H2BC18: variants seen among roughly 807,000 people sequenced by gnomAD.
The protein encoded by H2BC18 is histone H2B type 2-F.
A neutral mutation model predicts 6.3 loss-of-function variants in H2BC18; 8 were observed. The ratio of observed to expected loss-of-function variants is 1.28; its 90% confidence interval spans 0.75 to 2.31. H2BC18 has a LOEUF of 2.31. H2BC18 is among the 30% of genes most tolerant of loss of function. The probability of loss-of-function intolerance (pLI) is 0.00; values close to 1 mark genes in which losing one functional copy is unlikely to be tolerated. For synonymous variants in H2BC18, 104 were observed against 78.1 expected (o/e 1.33, Z -1.75); for missense variants, 106 against 174.5 (o/e 0.61, Z 2.21).
intron 1 of H2BC18, among the ~76,000 whole-genome samples, chr1:149,801,590 C>G (rs1190239593): frequency 7.0e-6 from 1 of 141,986 alleles, no homozygotes; most frequent in South Asian, 2.3e-4. Flanking sequence ...AAGAGCAGAG[C>G]CAAGTTACAC....
chr1:149,808,548 TA>T (rs2091944160), downstream of H2BC18, among the ~76,000 whole-genome samples: 3 of 152,192 alleles, frequency 2.0e-5, no homozygotes, highest in Admixed American at 2.0e-4. Context: ...TGGATTAACA[TA>T]AAAAATTATT....
downstream of H2BC18, among the ~76,000 whole-genome samples, chr1:149,808,785 G>C (rs2091946841): frequency 6.6e-6 from 1 of 151,954 alleles, no homozygotes; most frequent in Non-Finnish European, 1.5e-5. Context: ...ATGTAGAAAA[G>C]AAAAAAATTT....
chr1:149,788,252 G>C, intron 1 of H2BC18: 2 of 1,607,644 alleles, frequency 1.2e-6, no homozygotes, highest in South Asian at 1.1e-5. Context: ...AGATTTGGCA[G>C]AGCTCTGAGG....
At chr1:149,811,694 C>T (rs587650722), downstream of H2BC18, 2 of 616,438 alleles carry the variant, frequency 3.2e-6, no homozygotes, top group Non-Finnish European at 5.7e-6. Flanking sequence ...TTTCGAATCT[C>T]GTAGCACAGA....
rs1553754586 is a variant in H2BC18, at chr1:149,812,156, C to T, written c.168G>A (p.Ser56=). The T allele has an allele frequency of 8.7e-6, 14 of 1,614,130 alleles. No homozygotes were observed. The East Asian group carries it at 2.4e-4, about 28-fold the overall frequency. The change falls in exon 1 of 1, where the codon TCG becomes TCA. Residue 56 remains serine, a synonymous_variant. Transcript: ENST00000369167. The part of the protein sequence containing the change: ...LKQVHPDTGI[S]SKAMGIMNSF... ...AGTTCATGATGCCCATGGCCTTGGA[C>T]GAGATGCCGGTGTCGGGGTGGACCT...
chr1:149,806,099 C>A (rs2091914565), intron 1 of H2BC18, among the ~76,000 whole-genome samples: 2 of 151,830 alleles, frequency 1.3e-5, no homozygotes, highest in Admixed American at 1.3e-4. Context: ...AACTTCCATT[C>A]ACATCTCATT....
intron 1 of H2BC18, chr1:149,792,161 T>A (rs1239251848): frequency 3.8e-5 from 6 of 158,614 alleles, no homozygotes; most frequent in African/African-American, 1.5e-4. Context: ...CCTCTATTTC[T>A]AGAGACAACA....
intron 1 of H2BC18, chr1:149,791,983 CTG>C (rs1353729429): frequency 7.1e-6 from 1 of 141,282 alleles, no homozygotes; most frequent in Admixed American, 6.7e-5. Context: ...GACTGTGAGA[CTG>C]AGAGGGCTCA....
At chr1:149,805,078 A>G (rs1187613723) in intron 1 of H2BC18, among the ~76,000 whole-genome samples, 3 of 152,184 alleles carry the variant, frequency 2.0e-5, no homozygotes, top group Non-Finnish European at 4.4e-5. Flanking sequence ...TCTTTTTACC[A>G]CCTCTTCTGT....
chr1:149,807,984 C>G (rs1157414575), downstream of H2BC18, among the ~76,000 whole-genome samples: 1 of 151,976 alleles, frequency 6.6e-6, no homozygotes, highest in African/African-American at 2.4e-5. Context: ...GTGGGATAGC[C>G]AAAGCTGTTC....
At chr1:149,793,442 C>T (rs639920) in intron 1 of H2BC18, among the ~76,000 whole-genome samples, 1 of 152,134 alleles carries the variant, frequency 6.6e-6, no homozygotes, top group Non-Finnish European at 1.5e-5. Context: ...CGAGCTTCAC[C>T]CACAAGGGCC....
At chr1:149,801,913 G>C (rs1464058567) in intron 1 of H2BC18, among the ~76,000 whole-genome samples, 1 of 151,938 alleles carries the variant, frequency 6.6e-6, no homozygotes, top group Non-Finnish European at 1.5e-5. Flanking sequence ...TACTAGTCTA[G>C]AAAAATTTAA....
chr1:149,800,873 C>G (rs2091860867), intron 1 of H2BC18, among the ~76,000 whole-genome samples: 1 of 151,916 alleles, frequency 6.6e-6, no homozygotes, highest in African/African-American at 2.4e-5. Context: ...ATCCCTTGAG[C>G]CCAGGAGTTT....
chr1:149,810,341 G>A (rs2091960858), downstream of H2BC18: 1 of 151,618 alleles, frequency 6.6e-6, no homozygotes, highest in Non-Finnish European at 1.5e-5. Flanking sequence ...CCTCTTGTCT[G>A]GTGATCAGAA....
chr1:149,812,352 T>C lies in H2BC18; in HGVS notation c.-29A>G, dbSNP rs782174306. On this transcript the variant is annotated 5_prime_UTR_variant, in exon 1 of 1. Coordinates refer to ENST00000369167, the MANE Select transcript of H2BC18 (RefSeq NM_001024599.5). ...TGCGCGAAAAAAGAGAAAAGAGACT[T>C]AAAGAAGTAATCCGAACTACCGCAA... 195 of 1,613,844 alleles carry C rather than the reference T, an allele frequency of 1.2e-4. 1 individual carries two copies. Among genetic ancestry groups the C allele is most frequent in the Non-Finnish European group, 1.6e-4 (189 of 1,179,978 alleles).
chr1:149,788,603 C>G, intron 1 of H2BC18: 1 of 1,614,016 alleles, frequency 6.2e-7, no homozygotes, highest in South Asian at 1.1e-5. Context: ...GCAGGAATAT[C>G]TGTCACTGTG....
chr1:149,796,764 T>C (rs587761234), intron 1 of H2BC18, among the ~76,000 whole-genome samples: 2 of 152,366 alleles, frequency 1.3e-5, no homozygotes, highest in South Asian at 2.1e-4. Context: ...CAAATGCTTA[T>C]TTACCTTTCA....
chr1:149,792,629 G>A (rs2091737152), intron 1 of H2BC18: 1 of 1,260,656 alleles, frequency 7.9e-7, no homozygotes, highest in Non-Finnish European at 1.0e-6. Context: ...GTGGCCGCAT[G>A]TGCATATTGC....
chr1:149,788,669 A>G (rs1272949330), intron 1 of H2BC18: 1 of 1,583,008 alleles, frequency 6.3e-7, no homozygotes, highest in Non-Finnish European at 8.6e-7. Flanking sequence ...CTGAGGGACC[A>G]TCATAAATAT....
Sources: gnomAD v4.1 joint callset for allele counts (sites outside exome capture counted in the v4.1 genomes callset) on GRCh38, gnomAD v4.1.1 for gene constraint, MANE v1.5 for transcripts, NCBI Gene and HGNC (gene_info 2026-07-23, HGNC 2026-07-21) for gene names.